The following PRDM4 variants were observed in gnomAD, a reference collection of about 807,000 sequenced individuals.
PRDM4 encodes the protein PR/SET domain 4, also known as PR domain zinc finger protein 4.
Under a neutral mutation model 62.3 loss-of-function variants are expected in PRDM4, and 38 were observed. The observed-to-expected ratio is 0.61, with a 90% CI of 0.47 to 0.80. The LOEUF is 0.80. PRDM4 is among the 30% of genes least tolerant of loss of function. PRDM4 has a pLI of 0.00. For synonymous variants in PRDM4, 339 were observed against 348.2 expected (o/e 0.97, Z 0.30); for missense variants, 858 against 997.1 (o/e 0.86, Z 1.88).
Position 107,734,531 on chromosome 12 carries a change from A to C in PRDM4, c.2094-9T>G. On this transcript the variant is annotated splice_polypyrimidine_tract_variant and intron_variant, in intron 11 of 11. Coordinates refer to ENST00000228437, the MANE Select transcript of PRDM4 (RefSeq NM_012406.4). ...ACTTGATCTGGCGTTCTCTAAGAGG[A>C]ACACAAGAAAAAACATTTGATTTGG... 1 of 1,599,664 alleles carries C rather than the reference A, an allele frequency of 6.3e-7. No individual in the cohort carries two copies. Among genetic ancestry groups the C allele is most frequent in the Middle Eastern group, 1.7e-4 (1 of 5,954 alleles).
rs879496922 is a variant in PRDM4, at chr12:107,755,090, A to AT, written c.146-982dup. On this transcript the variant is annotated intron_variant, in intron 3 of 11. Transcript: ENST00000228437. ...TTTGCATATTTTTGCCAGGGGCAAT[A>AT]TTTTTTTTTTTTGAGACAAGGTTTT... Among the ~76,000 whole-genome samples the AT allele has an allele frequency of 2.9e-3, 423 of 146,808 alleles. 2 individuals are homozygous for AT. The highest frequency in any genetic ancestry group is 7.1e-3 in the Middle Eastern group (2 of 282).
intron 11 of PRDM4, among the ~76,000 whole-genome samples, chr12:107,737,619 T>C (rs1326126647): frequency 6.6e-6 from 1 of 152,212 alleles, no homozygotes; most frequent in African/African-American, 2.4e-5. Context: ...ATATATCCAC[T>C]TGCCAGAGAC....
chr12:107,734,665 C>T, intron 11 of PRDM4, 143 bp from the exon 12 acceptor site: 1 of 732,902 alleles, frequency 1.4e-6, no homozygotes, highest in African/African-American at 1.8e-5. Flanking sequence ...ATACAGAAGA[C>T]TCATAAAACA....
chr12:107,745,542 T>C (rs1273350081), intron 6 of PRDM4, among the ~76,000 whole-genome samples: 5 of 152,162 alleles, frequency 3.3e-5, no homozygotes, highest in African/African-American at 1.2e-4. Context: ...GTTAGGCCAG[T>C]GCACTCCAGC....
intron 4 of PRDM4, 151 bp downstream of exon 4, chr12:107,753,773 A>AT: frequency 1.4e-6 from 1 of 713,152 alleles, no homozygotes; most frequent in Non-Finnish European, 2.1e-6. Context: ...GAGGAAAAGT[A>AT]CATAAATATA....
intron 3 of PRDM4, chr12:107,754,794 A>T (rs1357148123): frequency 2.6e-5 from 4 of 152,172 alleles, no homozygotes; most frequent in Admixed American, 6.5e-5. Flanking sequence ...ATAGTATGAA[A>T]TTTTTTTGGT....
At chr12:107,742,398 C>T (rs1235314341) in intron 8 of PRDM4, 50 bp from the exon 9 acceptor site, 4 of 1,579,300 alleles carry the variant, frequency 2.5e-6, no homozygotes, top group Non-Finnish European at 3.5e-6. Context: ...GAAATGCATA[C>T]TAAGTACAAC....
intron 2 of PRDM4, 70 bp from the exon 3 acceptor site, chr12:107,757,035 A>G: frequency 3.3e-6 from 5 of 1,513,804 alleles, no homozygotes; most frequent in Non-Finnish European, 4.5e-6. Flanking sequence ...GATACTGAAG[A>G]AACTGAAACA....
At chr12:107,738,479 T>TAAGAATATAATA (rs1890406425) in intron 11 of PRDM4, 3 of 152,314 alleles carry the variant, frequency 2.0e-5, no homozygotes, top group Non-Finnish European at 4.4e-5. Flanking sequence ...AATATAACGT[T>TAAGAATATAATA]TTCAGTGAAG....
At position 107,734,398 on chromosome 12, in the gene PRDM4, G is replaced by C; in HGVS notation, c.2218C>G (p.Leu740Val). Residue 740 changes from leucine to valine, a missense_variant, in exon 12 of 12, where the codon CTA becomes GTA. Leu to Val is a conservative substitution (Grantham distance 32, BLOSUM62 1). Coordinates refer to ENST00000228437, the MANE Select transcript of PRDM4 (RefSeq NM_012406.4). Reference protein sequence around the residue: ...YVCEKCTKAYLTKYHLTRHLK... With the variant: ...YVCEKCTKAYVTKYHLTRHLK... Reference sequence around the variant, plus strand: ...TGGCGGGTGAGATGGTATTTGGTTAGATAAGCCTTTGTACATTTTTCACAG... The same window carrying C: ...TGGCGGGTGAGATGGTATTTGGTTACATAAGCCTTTGTACATTTTTCACAG... 6.2e-7 allele frequency: 1 copy of C among 1,614,164 alleles called. No individual in the cohort carries two copies. Among genetic ancestry groups the C allele is most frequent in the Non-Finnish European group, 8.5e-7 (1 of 1,180,010 alleles).
chr12:107,739,342 C>T (rs1398047957), intron 11 of PRDM4, 41 bp downstream of exon 11: 3 of 1,594,942 alleles, frequency 1.9e-6, no homozygotes, highest in Non-Finnish European at 2.6e-6. Context: ...CACAAAGGCT[C>T]ACCACCTGAG....
At chr12:107,756,259 CA>C (rs945914806) in intron 3 of PRDM4, among the ~76,000 whole-genome samples, 14 of 145,710 alleles carry the variant, frequency 9.6e-5, no homozygotes, top group East Asian at 4.0e-4. Flanking sequence ...GACTCCATTT[CA>C]AAAAAAAAAG....
intron 9 of PRDM4, 103 bp downstream of exon 9, chr12:107,742,118 A>G (rs546112989): frequency 8.0e-6 from 10 of 1,251,284 alleles, no homozygotes; most frequent in East Asian, 2.5e-5. Context: ...AAACAAAGGT[A>G]TATGATTTGC....
At chr12:107,742,057 A>T (rs536054259) in intron 9 of PRDM4, among the ~76,000 whole-genome samples, 164 bp downstream of exon 9, 1 of 152,320 alleles carries the variant, frequency 6.6e-6, no homozygotes, top group South Asian at 2.1e-4. Flanking sequence ...GCTTGTGAAG[A>T]ATCTCACAGA....
At chr12:107,753,820 A>G (rs964488588) in intron 4 of PRDM4, 104 bp downstream of exon 4, 1 of 1,100,958 alleles carries the variant, frequency 9.1e-7, no homozygotes, top group Non-Finnish European at 1.3e-6. Flanking sequence ...ATTAATATCT[A>G]ATAGTGACAA....
chr12:107,742,460 T>C (rs935948516), intron 8 of PRDM4, 112 bp from the exon 9 acceptor site: 3 of 1,236,574 alleles, frequency 2.4e-6, no homozygotes, highest in Admixed American at 2.2e-5. Flanking sequence ...CTATTTACTA[T>C]TTCCTCTGGA....
intron 7 of PRDM4, among the ~76,000 whole-genome samples, chr12:107,743,846 G>C (rs188746699): frequency 6.6e-6 from 1 of 152,316 alleles, no homozygotes; most frequent in African/African-American, 2.4e-5. Flanking sequence ...CAGGTGCGGT[G>C]GCTCACACCT....
chr12:107,750,894 T>C (rs552010342), intron 5 of PRDM4, among the ~76,000 whole-genome samples: 1 of 152,352 alleles, frequency 6.6e-6, no homozygotes, highest in African/African-American at 2.4e-5. Context: ...ATCACTATGA[T>C]TGTTTTTTAG....
In PRDM4 at chr12:107,744,643, G is replaced by A; in HGVS notation, c.1295C>T (p.Thr432Ile). 1 of 1,613,766 alleles carries A rather than the reference G, an allele frequency of 6.2e-7. No individual in the cohort carries two copies. Among genetic ancestry groups the A allele is most frequent in the Non-Finnish European group, 8.5e-7 (1 of 1,179,700 alleles). ...TCCAAAGCAAGTCCGCACAGGAATG[G>A]TTTCTCCAGTCCATACACCTGTCAG... ...GAEVGVWTGE[T>I]IPVRTCFGPL... The change falls in exon 7 of 12, where the codon ACC (threonine) becomes ATC (isoleucine). Residue 432 changes from threonine (T) to isoleucine (I), a missense_variant. Thr to Ile is a moderately conservative substitution (Grantham distance 89). This residue lies in a region of PRDM4 where 499 missense variants were observed against 546.7 expected (regional missense o/e 0.91). Transcript: ENST00000228437.
Sources: allele counts gnomAD v4.1 joint callset (sites outside exome capture counted in the v4.1 genomes callset), GRCh38; gene constraint gnomAD v4.1.1; regional missense constraint gnomAD v4.1.1; transcripts MANE v1.5; gene names NCBI Gene and HGNC (gene_info 2026-07-23, HGNC 2026-07-21).